OPRM1: variants seen among roughly 807,000 people sequenced by gnomAD.
OPRM1 encodes the protein mu-type opioid receptor.
Under a neutral mutation model 31.8 loss-of-function variants are expected in OPRM1, and 27 were observed. That is an observed-to-expected ratio of 0.85 (90% CI 0.63 to 1.17). The LOEUF is 1.17. Ranked by LOEUF, OPRM1 falls within the 50% of genes most tolerant of loss-of-function variation. The pLI, the probability that OPRM1 is intolerant of heterozygous loss-of-function variation, is 0.00. For synonymous variants in OPRM1, 196 were observed against 189.9 expected (o/e 1.03, Z -0.26); for missense variants, 536 against 511.1 (o/e 1.05, Z -0.47).
intron 1 of OPRM1, among the ~76,000 whole-genome samples, chr6:154,085,284 A>G (rs1206329402): frequency 1.3e-5 from 2 of 152,240 alleles, no homozygotes; most frequent in Non-Finnish European, 2.9e-5. Flanking sequence ...GTGAGCTGCC[A>G]GCAAATGGGC....
chr6:154,134,845 C>G (rs1798015650), downstream of OPRM1, among the ~76,000 whole-genome samples: 2 of 151,768 alleles, frequency 1.3e-5, no homozygotes. Context: ...CCAAAGAAAA[C>G]CACTATTTGA....
Position 154,123,228 on chromosome 6 carries a change from G to T in OPRM1, c.*4507G>T, listed in dbSNP as rs1797399428. Among the ~76,000 whole-genome samples the T allele has an allele frequency of 6.6e-6, 1 of 152,148 alleles. No individual in the cohort carries two copies. Among genetic ancestry groups the T allele is most frequent in the Admixed American group, 6.5e-5 (1 of 15,268 alleles). ...TGTCTCTAGGCGAGCACAAAGCATA[G>T]CTTCTCTTGTTGTATAATTGTGGGT... On this transcript the variant is annotated 3_prime_UTR_variant, in exon 4 of 4. Coordinates refer to ENST00000330432, the MANE Select transcript of OPRM1 (RefSeq NM_000914.5).
chr6:154,090,520 G>A (rs1207053905), intron 2 of OPRM1, among the ~76,000 whole-genome samples: 1 of 152,144 alleles, frequency 6.6e-6, no homozygotes, highest in Non-Finnish European at 1.5e-5. Flanking sequence ...ATTATCAAGT[G>A]GCTGACTACA....
chr6:154,075,327 G>A (rs1218287452), intron 1 of OPRM1, among the ~76,000 whole-genome samples: 1 of 152,154 alleles, frequency 6.6e-6, no homozygotes, highest in African/African-American at 2.4e-5. Flanking sequence ...AAATGATACG[G>A]TGAGCAATAG....
chr6:154,220,233 C>A (rs983133134), intron 3 of OPRM1, among the ~76,000 whole-genome samples: 1 of 152,050 alleles, frequency 6.6e-6, no homozygotes, highest in Non-Finnish European at 1.5e-5. Context: ...ATGTGGTAGG[C>A]GTTCCATTAA....
chr6:154,151,688 C>G (rs1324681396), intron 3 of OPRM1, among the ~76,000 whole-genome samples: 1 of 151,324 alleles, frequency 6.6e-6, no homozygotes, highest in Non-Finnish European at 1.5e-5. Flanking sequence ...CTCCAGGCAC[C>G]CTGTTTGCCT....
chr6:154,176,167 G>A (rs1408176869), intron 3 of OPRM1, among the ~76,000 whole-genome samples: 1 of 152,120 alleles, frequency 6.6e-6, no homozygotes, highest in Non-Finnish European at 1.5e-5. Context: ...TTGATGGAAT[G>A]TATCTCAAAA....
At chr6:154,059,052 T>C (rs758116048) in intron 1 of OPRM1, among the ~76,000 whole-genome samples, 15 of 152,190 alleles carry the variant, frequency 9.9e-5, no homozygotes, top group Non-Finnish European at 2.1e-4. Context: ...TGAGGGTTCA[T>C]TTGGATGGCT....
chr6:154,040,972 T>G (rs568691453), intron 1 of OPRM1, among the ~76,000 whole-genome samples: 2 of 131,682 alleles, frequency 1.5e-5, no homozygotes, highest in Admixed American at 7.0e-5. Context: ...ATTCGAGGGT[T>G]TTTTTTTTTA....
rs116485439 is a variant in OPRM1 at position 154,202,885 on chromosome 6, G to A, written c.1165-43808G>A. The stretch of plus-strand genomic sequence containing the variant: ...GGAAAAAAAGAAATAGAAGAAACAC[G>A]AAGACTTGGAGAAGAGGAAAAGGAA... On this transcript the variant is annotated intron_variant, in intron 3 of 3. Transcript: ENST00000337049. Among the ~76,000 whole-genome samples the A allele has an allele frequency of 3.6e-3, 547 of 152,262 alleles. 3 individuals carry two copies. The highest frequency in any genetic ancestry group is 0.013 in the African/African-American group (522 of 41,556).
chr6:154,100,251 A>T (rs529848326), intron 3 of OPRM1, among the ~76,000 whole-genome samples: 67 of 142,710 alleles, frequency 4.7e-4, no homozygotes, highest in Non-Finnish European at 9.1e-4. Context: ...ATTATGACAT[A>T]TATCATAATA....
intron 1 of OPRM1, among the ~76,000 whole-genome samples, chr6:154,032,645 G>C (rs1779078671): frequency 6.6e-6 from 1 of 152,064 alleles, no homozygotes; most frequent in Admixed American, 6.6e-5. Context: ...TGTTGCCCAA[G>C]CTGGTCTCAA....
chr6:154,192,184 C>A (rs1417178439), intron 3 of OPRM1, among the ~76,000 whole-genome samples: 1 of 152,152 alleles, frequency 6.6e-6, no homozygotes, highest in Non-Finnish European at 1.5e-5. Flanking sequence ...TAGATGATGA[C>A]AAATTGCTTT....
intron 3 of OPRM1, among the ~76,000 whole-genome samples, chr6:154,242,132 C>T (rs868729360): frequency 1.8e-4 from 27 of 152,108 alleles, no homozygotes; most frequent in Non-Finnish European, 1.0e-4. Context: ...TGGCACAGCT[C>T]GTTTATATTT....
intron 3 of OPRM1, among the ~76,000 whole-genome samples, chr6:154,141,248 A>C (rs1244247999): frequency 6.6e-6 from 1 of 152,238 alleles, no homozygotes; most frequent in Non-Finnish European, 1.5e-5. Flanking sequence ...TTAATGTTAT[A>C]AATCACCCGC....
At chr6:154,167,276 T>C (rs1248894842) in intron 3 of OPRM1, among the ~76,000 whole-genome samples, 3 of 152,228 alleles carry the variant, frequency 2.0e-5, no homozygotes, top group African/African-American at 7.2e-5. Flanking sequence ...TGAAGAACCA[T>C]TTCAGCTCAG....
intron 3 of OPRM1, among the ~76,000 whole-genome samples, chr6:154,211,183 G>C (rs1003919754): frequency 6.6e-6 from 1 of 152,090 alleles, no homozygotes; most frequent in Non-Finnish European, 1.5e-5. Flanking sequence ...TTGGGAGGCC[G>C]AGGCAGGCGG....
chr6:154,014,483 C>G (rs1777897122), intron 1 of OPRM1, among the ~76,000 whole-genome samples: 1 of 151,976 alleles, frequency 6.6e-6, no homozygotes, highest in African/African-American at 2.4e-5. Flanking sequence ...ATTGGACATG[C>G]AGGATCATAT....
At chr6:154,046,456 A>C (rs769763634) in intron 1 of OPRM1, among the ~76,000 whole-genome samples, 1 of 152,224 alleles carries the variant, frequency 6.6e-6, no homozygotes, top group Non-Finnish European at 1.5e-5. Context: ...AAAACAAACA[A>C]ACAAAAAATC....
Sources: gnomAD v4.1 joint callset for allele counts (sites outside exome capture counted in the v4.1 genomes callset) on GRCh38, gnomAD v4.1.1 for gene constraint, MANE v1.5 for transcripts, NCBI Gene and HGNC (gene_info 2026-07-23, HGNC 2026-07-21) for gene names.